The following NRXN3 variants were observed in gnomAD, a reference collection of about 807,000 sequenced individuals.
NRXN3 encodes neurexin 3, also known as neurexin III.
In NRXN3, 32 loss-of-function variants were observed where a neutral mutation model predicts 137.6. That is an observed-to-expected ratio of 0.23 (90% CI 0.18 to 0.31). NRXN3 has a LOEUF of 0.31. Among genes scored for constraint, NRXN3 ranks in the 10% least tolerant of loss-of-function variants. The probability of loss-of-function intolerance (pLI) is 1.00; values close to 1 mark genes in which losing one functional copy is unlikely to be tolerated. For synonymous variants in NRXN3, 798 were observed against 784.5 expected (o/e 1.02, Z -0.29); for missense variants, 1,574 against 2,062.5 (o/e 0.76, Z 4.59).
chr14:79,036,191 G>A (rs1442616196), intron 15 of NRXN3, among the ~76,000 whole-genome samples: 1 of 151,936 alleles, frequency 6.6e-6, no homozygotes, highest in East Asian at 1.9e-4. Context: ...TGTTTATATG[G>A]TATTCAGCAA....
intron 4 of NRXN3, among the ~76,000 whole-genome samples, chr14:78,319,909 G>A (rs1382391148): frequency 6.6e-6 from 1 of 152,256 alleles, no homozygotes; most frequent in Non-Finnish European, 1.5e-5. Flanking sequence ...AAAGCAGATA[G>A]TTAAGTCTCT....
chr14:79,123,789 T>C (rs1466753128), intron 15 of NRXN3, among the ~76,000 whole-genome samples: 3 of 152,168 alleles, frequency 2.0e-5, no homozygotes, highest in African/African-American at 4.8e-5. Flanking sequence ...GAGTACTGTA[T>C]ACATGAATAA....
chr14:79,794,102 C>T (rs551385124), intron 19 of NRXN3, among the ~76,000 whole-genome samples: 9 of 152,120 alleles, frequency 5.9e-5, no homozygotes, highest in Admixed American at 3.3e-4. Context: ...AGGTGGCTCA[C>T]GCCTGTAATC....
intron 19 of NRXN3, among the ~76,000 whole-genome samples, chr14:79,721,608 A>T (rs2098844933): frequency 6.6e-6 from 1 of 152,142 alleles, no homozygotes; most frequent in Non-Finnish European, 1.5e-5. Context: ...AAAAGAGCTA[A>T]ATACGTATAG....
intron 15 of NRXN3, among the ~76,000 whole-genome samples, chr14:79,245,360 C>A (rs1318521272): frequency 6.7e-6 from 1 of 149,962 alleles, no homozygotes; most frequent in African/African-American, 2.5e-5. Flanking sequence ...CAGGGAGAGA[C>A]CATGGGAAGA....
Position 78,458,869 on chromosome 14 carries a change from A to C in NRXN3, c.757+161009A>C, listed in dbSNP as rs185439038. Among the ~76,000 whole-genome samples, 85 of 152,326 alleles carry C rather than the reference A, an allele frequency of 5.6e-4. No individual in the cohort carries two copies. The East Asian group carries it at 0.013, about 24-fold the overall frequency. On this transcript the variant is annotated intron_variant, in intron 4 of 20. Coordinates refer to ENST00000335750, the MANE Select transcript of NRXN3 (RefSeq NM_001330195.2). ...CCATCTAACTAAGGAGAAGACTTTA[A>C]AAGAAATATGGCGCAGGTGAACATT...
intron 16 of NRXN3, among the ~76,000 whole-genome samples, chr14:79,585,332 T>C (rs573324713): frequency 7.2e-5 from 11 of 152,216 alleles, no homozygotes; most frequent in African/African-American, 2.4e-4. Context: ...TGGAAGGACA[T>C]GCCACTTGTT....
At chr14:78,520,707 A>T (rs10140699) in intron 4 of NRXN3, among the ~76,000 whole-genome samples, 1 of 152,090 alleles carries the variant, frequency 6.6e-6, no homozygotes, top group Non-Finnish European at 1.5e-5. Flanking sequence ...TTGTGCTAAG[A>T]CTCAAATATT....
At chr14:78,894,899 T>G (rs1458802177) in intron 10 of NRXN3, among the ~76,000 whole-genome samples, 1 of 148,812 alleles carries the variant, frequency 6.7e-6, no homozygotes, top group African/African-American at 2.5e-5. Flanking sequence ...AAAAAAAATC[T>G]TTTTTTTTTC....
At chr14:79,386,812 T>C (rs966299131) in intron 15 of NRXN3, among the ~76,000 whole-genome samples, 11 of 152,196 alleles carry the variant, frequency 7.2e-5, no homozygotes, top group Admixed American at 2.6e-4. Context: ...TCTACAACCA[T>C]CTGATCTTTG....
chr14:79,175,089 T>G (rs1339828798), intron 15 of NRXN3, among the ~76,000 whole-genome samples: 2 of 151,322 alleles, frequency 1.3e-5, no homozygotes, highest in Middle Eastern at 3.2e-3. Flanking sequence ...CACGCCATTC[T>G]CCTGCCTCAG....
chr14:78,230,328 G>T lies in NRXN3; in HGVS notation c.-703-12063G>T, dbSNP rs763290217. On this transcript the variant is annotated intron_variant, in intron 1 of 20. Coordinates refer to ENST00000335750, the MANE Select transcript of NRXN3 (RefSeq NM_001330195.2). The stretch of plus-strand genomic sequence containing the variant: ...TCTGTCTCTGTCTCTGTCTCTGTCT[G>T]TCTCTCTCTCTCTCTCTCTCTCTGG... Among the ~76,000 whole-genome samples the T allele has an allele frequency of 3.4e-5, 5 of 148,818 alleles. No individual in the cohort carries two copies. In the East Asian group the frequency reaches 9.9e-4, roughly 29 times the overall value.
rs1235390404 is a variant in NRXN3, at chr14:78,581,112, CTG to C, written c.758-64007_758-64006del. Among the ~76,000 whole-genome samples, 18 of 152,266 alleles carry C rather than the reference CTG, an allele frequency of 1.2e-4. 1 individual carries two copies. In the South Asian group the frequency reaches 3.3e-3, roughly 28 times the overall value. On this transcript the variant is annotated intron_variant, in intron 4 of 20. Coordinates refer to ENST00000335750, the MANE Select transcript of NRXN3 (RefSeq NM_001330195.2). ...CAATGCATTTTTAAAGTTAAAGAAACTGAGGCTTAGAGAGCTACTTGACCAAA... is the reference window on the plus strand; with the variant it reads ...CAATGCATTTTTAAAGTTAAAGAAACAGGCTTAGAGAGCTACTTGACCAAA...
intron 1 of NRXN3, among the ~76,000 whole-genome samples, chr14:78,203,901 A>G (rs1388270706): frequency 6.9e-6 from 1 of 145,902 alleles, no homozygotes; most frequent in Non-Finnish European, 1.5e-5. Flanking sequence ...GATTGTATAC[A>G]CTTCTTTTTT....
intron 4 of NRXN3, among the ~76,000 whole-genome samples, chr14:78,415,084 A>G (rs1183191649): frequency 6.6e-6 from 1 of 152,196 alleles, no homozygotes; most frequent in Non-Finnish European, 1.5e-5. Flanking sequence ...CAGGCTTTGG[A>G]TACAGACAGA....
At chr14:79,398,567 C>T (rs2095094259) in intron 15 of NRXN3, among the ~76,000 whole-genome samples, 1 of 151,810 alleles carries the variant, frequency 6.6e-6, no homozygotes, top group African/African-American at 2.4e-5. Flanking sequence ...CTTCAAGATC[C>T]CTAGAGGCTG....
intron 4 of NRXN3, among the ~76,000 whole-genome samples, chr14:78,392,040 A>T (rs915242260): frequency 3.3e-5 from 5 of 152,174 alleles, no homozygotes; most frequent in African/African-American, 1.2e-4. Flanking sequence ...AGAAAGGAAA[A>T]CGTGACTATA....
intron 19 of NRXN3, among the ~76,000 whole-genome samples, chr14:79,702,970 G>T (rs2098761162): frequency 6.6e-6 from 1 of 151,702 alleles, no homozygotes. Context: ...TCACCATTTG[G>T]AATCATTTAT....
At chr14:78,460,173 C>T (rs566891746) in intron 4 of NRXN3, among the ~76,000 whole-genome samples, 18 of 152,316 alleles carry the variant, frequency 1.2e-4, no homozygotes, top group South Asian at 1.0e-3. Flanking sequence ...AGGGGTTTGG[C>T]GCTTCCATGC....
Sources: gnomAD v4.1 joint callset for allele counts (sites outside exome capture counted in the v4.1 genomes callset) on GRCh38, gnomAD v4.1.1 for gene constraint, MANE v1.5 for transcripts, NCBI Gene and HGNC (gene_info 2026-07-23, HGNC 2026-07-21) for gene names.